The following MAP2K5 variants were observed in gnomAD, a reference collection of about 807,000 sequenced individuals.
MAP2K5 encodes the protein dual specificity mitogen-activated protein kinase kinase 5.
MAP2K5 carries 49 observed loss-of-function variants against 83.1 expected under a neutral mutation model. The observed-to-expected ratio is 0.59, with a 90% CI of 0.47 to 0.75. The LOEUF is 0.75. Ranked by LOEUF, MAP2K5 falls within the 30% of genes least tolerant of loss-of-function variation. MAP2K5 has a pLI of 0.00. For synonymous variants in MAP2K5, 202 were observed against 191.8 expected (o/e 1.05, Z -0.44); for missense variants, 457 against 557.5 (o/e 0.82, Z 1.82).
intron 9 of MAP2K5, among the ~76,000 whole-genome samples, chr15:67,632,423 A>T (rs1312433004): frequency 6.6e-6 from 1 of 152,150 alleles, no homozygotes; most frequent in African/African-American, 2.4e-5. Flanking sequence ...TATAACTATT[A>T]TATTTAATCC....
Position 67,719,927 on chromosome 15 carries a change from G to T in MAP2K5, c.1045-7989G>T, listed in dbSNP as rs1049104339. On this transcript the variant is annotated intron_variant, in intron 16 of 21. Transcript: ENST00000178640. The surrounding 1 kb of genome is among the most constrained non-coding windows in gnomAD (Gnocchi z 4.6). ...CAGTGCACAGAATACCATGGAAAAA[G>T]ACCTTTGCCATTGTTTTTAACTGAC... 6.6e-6 allele frequency among the ~76,000 whole-genome samples: 1 copy of T among 152,132 alleles called. No homozygotes were observed. Among genetic ancestry groups the T allele is most frequent in the African/African-American group, 2.4e-5 (1 of 41,418 alleles).
At position 67,543,915 on chromosome 15, in the gene MAP2K5, C is replaced by A. The variant is rs2583590; in HGVS notation, c.135+445C>A. On this transcript the variant is annotated intron_variant, in intron 1 of 21. Coordinates refer to ENST00000178640, the MANE Select transcript of MAP2K5 (RefSeq NM_145160.3). The surrounding 1 kb of genome is among the most constrained non-coding windows in gnomAD (Gnocchi z 4.3). ...CTTACCATGTTTGAGCACACTGTTT[C>A]ATTAATTTATTTTGAGACAGGGCCT... is the stretch of plus-strand genomic sequence containing the variant. Among the ~76,000 whole-genome samples the A allele has an allele frequency of 0.15, 23,568 of 152,146 alleles. 2,416 individuals carry two copies. The highest frequency in any genetic ancestry group is 0.28 in the African/African-American group (11,802 of 41,476).
intron 16 of MAP2K5, among the ~76,000 whole-genome samples, chr15:67,706,010 T>G (rs75085775): frequency 0.017 from 2,627 of 152,244 alleles, 89 homozygotes; most frequent in African/African-American, 0.06. Context: ...CTTTAGGTAT[T>G]ACTCTTAGAA....
In MAP2K5 at chr15:67,750,743, G is replaced by C. The variant is rs1412531710; in HGVS notation, c.1134+2142G>C. 6.6e-6 allele frequency among the ~76,000 whole-genome samples: 1 copy of C among 152,124 alleles called. No homozygotes were observed. Among genetic ancestry groups the C allele is most frequent in the Non-Finnish European group, 1.5e-5 (1 of 68,020 alleles). ...CCCTTTAGTTCCCACAGGGCAATTA[G>C]CTAGCTATCTTCATTTGCATCTGAC... On this transcript the variant is annotated intron_variant, in intron 19 of 21. Coordinates refer to ENST00000178640, the MANE Select transcript of MAP2K5 (RefSeq NM_145160.3). This position sits in a 1 kb window ranked among gnomAD's most constrained non-coding sequence, Gnocchi z 4.2.
At chr15:67,707,171 T>C (rs1395225600) in intron 16 of MAP2K5, among the ~76,000 whole-genome samples, 1 of 152,226 alleles carries the variant, frequency 6.6e-6, no homozygotes, top group Non-Finnish European at 1.5e-5. Context: ...CGTCTTGGCC[T>C]CCCAAAGTGC....
chr15:67,642,524 A>T lies in MAP2K5; in HGVS notation c.586-3707A>T, dbSNP rs377492339. On this transcript the variant is annotated intron_variant, in intron 9 of 21. Transcript: ENST00000178640. ...TGAGCTTCATGGAGACAATGGTGGC[A>T]TTCAAGCTGGGTCTAAAAGATAGAA... is the stretch of plus-strand genomic sequence containing the variant. 7.4e-5 allele frequency: 94 copies of T among 1,278,828 alleles called. 1 individual carries two copies. In the East Asian group the frequency reaches 9.4e-4, roughly 13 times the overall value. 79.2% of individuals were successfully genotyped at this position (1,278,828 alleles called of 1,614,324 possible). A position where few individuals can be genotyped will look rare whatever the true frequency, so the allele number is the denominator to read the frequency against.
In MAP2K5 at chr15:67,564,177, C is replaced by T. The variant is rs191548394; in HGVS notation, c.252+827C>T. On this transcript the variant is annotated intron_variant, in intron 3 of 21. Transcript: ENST00000178640. ...TCTACTGTGGTTTCTTGGCCCTAGG[C>T]AAATCACTTAACCTTTCAGTGCTGT... Among the ~76,000 whole-genome samples, 11 of 152,316 alleles carry T rather than the reference C, an allele frequency of 7.2e-5. No individual in the cohort carries two copies. In the East Asian group the frequency reaches 2.1e-3, roughly 29 times the overall value.
chr15:67,727,897 ATAT>A lies in MAP2K5; in HGVS notation c.1045-14_1045-12del. On this transcript the variant is annotated splice_polypyrimidine_tract_variant and intron_variant, in intron 16 of 21. Coordinates refer to ENST00000178640, the MANE Select transcript of MAP2K5 (RefSeq NM_145160.3). ...TGCATGCAAATCTATAACTAGACAA[ATAT>A]TATTTCCTTTCCCAGCTTGCTCTTG... The A allele has an allele frequency of 1.9e-6, 3 of 1,603,668 alleles. No homozygotes were observed. Among genetic ancestry groups the A allele is most frequent in the African/African-American group, 1.3e-5 (1 of 74,848 alleles).
At chr15:67,691,383 A>G (rs920296976) in intron 13 of MAP2K5, among the ~76,000 whole-genome samples, 1 of 152,218 alleles carries the variant, frequency 6.6e-6, no homozygotes, top group African/African-American at 2.4e-5. Flanking sequence ...TGATTCAGTA[A>G]TAGTTACTGT....
chr15:67,700,073 G>T (rs2088377321), intron 15 of MAP2K5, among the ~76,000 whole-genome samples: 1 of 152,066 alleles, frequency 6.6e-6, no homozygotes, highest in South Asian at 2.1e-4. Context: ...GGTAGCCTGA[G>T]TCTGAACAGA....
rs762961900 is a variant in MAP2K5, at chr15:67,543,332, T to C, written c.-4T>C. 36 of 1,614,058 alleles carry C rather than the reference T, an allele frequency of 2.2e-5. No individual in the cohort carries two copies. Among genetic ancestry groups the C allele is most frequent in the Non-Finnish European group, 3.0e-5 (35 of 1,180,036 alleles). On this transcript the variant is annotated 5_prime_UTR_variant, in exon 1 of 22. Coordinates refer to ENST00000178640, the MANE Select transcript of MAP2K5 (RefSeq NM_145160.3). This position sits in a 1 kb window ranked among gnomAD's most constrained non-coding sequence, Gnocchi z 4.3. Reference sequence around the variant, plus strand: ...CCCCAGGATGTGAGCCTCTTTAACCTGTAATGCTGTGGCTAGCCCTTGGCC... The same window carrying C: ...CCCCAGGATGTGAGCCTCTTTAACCCGTAATGCTGTGGCTAGCCCTTGGCC...
In MAP2K5 at chr15:67,760,383, TAAA is replaced by T. The variant is rs919050593; in HGVS notation, c.1135-9213_1135-9211del. ...GAAGGATGTACAAAGTCACTTGAAG[TAAA>T]AAAAAGTTTTTTTAAACACACAATT... On this transcript the variant is annotated intron_variant, in intron 19 of 21. Coordinates refer to ENST00000178640, the MANE Select transcript of MAP2K5 (RefSeq NM_145160.3). This position sits in a 1 kb window ranked among gnomAD's most constrained non-coding sequence, Gnocchi z 4.1. 6.6e-6 allele frequency among the ~76,000 whole-genome samples: 1 copy of T among 152,126 alleles called. No individual in the cohort carries two copies. The highest frequency in any genetic ancestry group is 1.9e-4 in the East Asian group (1 of 5,190).
intron 19 of MAP2K5, among the ~76,000 whole-genome samples, chr15:67,763,836 T>C (rs898344585): frequency 6.6e-6 from 1 of 152,202 alleles, no homozygotes; most frequent in Non-Finnish European, 1.5e-5. Flanking sequence ...ACAAATGACC[T>C]TTGATCCCAG....
intron 7 of MAP2K5, among the ~76,000 whole-genome samples, chr15:67,593,973 C>G (rs1238454388): frequency 6.6e-6 from 1 of 152,178 alleles, no homozygotes; most frequent in Admixed American, 6.5e-5. Context: ...AACATTGTGG[C>G]CTAATAGATG....
At chr15:67,574,206 T>G (rs2085006826) in intron 3 of MAP2K5, among the ~76,000 whole-genome samples, 1 of 152,142 alleles carries the variant, frequency 6.6e-6, no homozygotes, top group African/African-American at 2.4e-5. Flanking sequence ...CTGTTCCTTG[T>G]GAAAGACAAT....
Position 67,563,479 on chromosome 15 carries a change from G to T in MAP2K5, c.252+129G>T. 8.5e-7 allele frequency: 1 copy of T among 1,181,884 alleles called. No homozygotes were observed. Among genetic ancestry groups the T allele is most frequent in the Non-Finnish European group, 1.2e-6 (1 of 868,448 alleles). 73.2% of individuals were successfully genotyped at this position (1,181,884 alleles called of 1,614,324 possible). A position where few individuals can be genotyped will look rare whatever the true frequency, so the allele number is the denominator to read the frequency against. On this transcript the variant is annotated intron_variant, in intron 3 of 21. Coordinates refer to ENST00000178640, the MANE Select transcript of MAP2K5 (RefSeq NM_145160.3). The surrounding 1 kb of genome is among the most constrained non-coding windows in gnomAD (Gnocchi z 4.5). ...ACATTTTTCTATATAATAGGTAAAG[G>T]TTTCAAGGATTTCCGTATGTGAAAG...
intron 3 of MAP2K5, among the ~76,000 whole-genome samples, chr15:67,579,988 A>G (rs1020806899): frequency 1.3e-5 from 2 of 152,178 alleles, no homozygotes; most frequent in African/African-American, 4.8e-5. Context: ...TTTGTCGAGC[A>G]TTATAAGATG....
chr15:67,730,526 A>G (rs1468988048), intron 17 of MAP2K5, among the ~76,000 whole-genome samples: 2 of 152,196 alleles, frequency 1.3e-5, no homozygotes, highest in African/African-American at 4.8e-5. Context: ...TGTCTCTGAA[A>G]AGCAAACATC....
chr15:67,714,954 C>G (rs1355629145), intron 16 of MAP2K5, among the ~76,000 whole-genome samples: 1 of 152,148 alleles, frequency 6.6e-6, no homozygotes, highest in African/African-American at 2.4e-5. Context: ...TCTCCTGATC[C>G]AACTAGTGAA....
Sources: allele counts gnomAD v4.1 joint callset (sites outside exome capture counted in the v4.1 genomes callset), GRCh38; gene constraint gnomAD v4.1.1; non-coding constraint Gnocchi (gnomAD v3.1); transcripts MANE v1.5; gene names NCBI Gene and HGNC (gene_info 2026-07-23, HGNC 2026-07-21).